The following ZFHX3 variants were observed in gnomAD, a reference collection of about 807,000 sequenced individuals.
The protein encoded by ZFHX3 is zinc finger homeobox 3.
Under a neutral mutation model 279.1 loss-of-function variants are expected in ZFHX3, and 42 were observed. The observed-to-expected ratio is 0.15, with a 90% CI of 0.12 to 0.19. The LOEUF is 0.19. ZFHX3 is among the 10% of genes least tolerant of loss of function. ZFHX3 has a pLI of 1.00. For synonymous variants in ZFHX3, 2,293 were observed against 1,957.8 expected (o/e 1.17, Z -4.52); for missense variants, 4,981 against 4,754.0 (o/e 1.05, Z -1.40).
At chr16:73,478,396 C>G (rs556101793) in intron 2 of ZFHX3, among the ~76,000 whole-genome samples, 4 of 152,076 alleles carry the variant, frequency 2.6e-5, no homozygotes, top group South Asian at 2.1e-4. Context: ...AGGCTTCTTC[C>G]CTGCTAGTTT....
intron 3 of ZFHX3, among the ~76,000 whole-genome samples, chr16:72,891,497 T>C (rs1020878054): frequency 6.6e-6 from 1 of 152,156 alleles, no homozygotes; most frequent in Non-Finnish European, 1.5e-5. Flanking sequence ...AGAGAATGAA[T>C]GTGCACCTGG....
intron 7 of ZFHX3, among the ~76,000 whole-genome samples, chr16:73,096,198 G>A (rs1027694705): frequency 4.6e-5 from 7 of 151,936 alleles, no homozygotes; most frequent in Non-Finnish European, 7.4e-5. Flanking sequence ...TGCCTGCCCC[G>A]AATTGGGCTC....
chr16:73,032,414 A>G (rs1006487771), intron 1 of ZFHX3, among the ~76,000 whole-genome samples: 9 of 152,220 alleles, frequency 5.9e-5, no homozygotes, highest in Non-Finnish European at 1.2e-4. Context: ...CCTTTTAAAA[A>G]GAAGATTCAG....
chr16:73,028,859 AC>A (rs1338977276), intron 1 of ZFHX3, among the ~76,000 whole-genome samples: 2 of 152,212 alleles, frequency 1.3e-5, no homozygotes, highest in East Asian at 3.8e-4. Flanking sequence ...GAGCAGGGAA[AC>A]CTTTTCGGCA....
intron 7 of ZFHX3, among the ~76,000 whole-genome samples, chr16:73,110,591 C>G (rs1966361044): frequency 6.6e-6 from 1 of 152,160 alleles, no homozygotes; most frequent in Non-Finnish European, 1.5e-5. Context: ...TTTTTGGAGA[C>G]AGGGTCTTGC....
At chr16:73,643,755 G>A (rs1290197430) in intron 2 of ZFHX3, among the ~76,000 whole-genome samples, 2 of 152,062 alleles carry the variant, frequency 1.3e-5, no homozygotes, top group South Asian at 2.1e-4. Flanking sequence ...TCTCCCCACC[G>A]TATCTCTTCA....
intron 4 of ZFHX3, among the ~76,000 whole-genome samples, chr16:73,295,274 C>G (rs1381390045): frequency 1.3e-5 from 2 of 152,342 alleles, no homozygotes; most frequent in South Asian, 2.1e-4. Context: ...CAACTCTTGA[C>G]TTTTCAAGCA....
At chr16:73,093,601 G>A (rs1351734671) in intron 7 of ZFHX3, 4 of 510,400 alleles carry the variant, frequency 7.8e-6, no homozygotes, top group Admixed American at 2.0e-5. Flanking sequence ...GTCGTCTCCT[G>A]CAAACAGACA....
intron 2 of ZFHX3, chr16:73,554,190 C>T (rs1442546208): frequency 6.6e-6 from 1 of 152,148 alleles, no homozygotes; most frequent in African/African-American, 2.4e-5. Flanking sequence ...CATGTCCCAG[C>T]CTGTTGAGAC....
At chr16:73,097,652 C>T (rs952498639) in intron 7 of ZFHX3, among the ~76,000 whole-genome samples, 3 of 152,140 alleles carry the variant, frequency 2.0e-5, no homozygotes, top group Admixed American at 1.3e-4. Context: ...ACTATGGCCA[C>T]GATCTCTTTC....
In ZFHX3 at chr16:72,787,446, G is replaced by A. The variant is rs560840757; in HGVS notation, c.10830C>T (p.Pro3610=). The A allele has an allele frequency of 1.9e-6, 3 of 1,605,264 alleles. No individual in the cohort carries two copies. Among genetic ancestry groups the A allele is most frequent in the Admixed American group, 3.4e-5 (2 of 59,504 alleles). Residue 3610 remains proline, a synonymous_variant, in exon 10 of 10, where the codon CCC becomes CCT. Transcript: ENST00000268489. ...PSAAAPSSAS[P]HASRKSWPQV... ...GCGGCCAAGACTTCCTGGAGGCGTGGGGGGAAGCGGAGGAGGGGGCGGCGG... is the reference window on the plus strand; with the variant it reads ...GCGGCCAAGACTTCCTGGAGGCGTGAGGGGAAGCGGAGGAGGGGGCGGCGG...
rs770212285 is a variant in ZFHX3 at position 72,800,032 on chromosome 16, T to A, written c.3962A>T (p.Gln1321Leu). The A allele has an allele frequency of 6.2e-7, 1 of 1,614,100 alleles. No individual in the cohort carries two copies. The highest frequency in any genetic ancestry group is 1.7e-5 in the Admixed American group (1 of 60,032). The change falls in exon 8 of 10, where the codon CAG becomes CTG. Residue 1321 changes from glutamine to leucine, a missense_variant. Gln to Leu is a moderately radical substitution (Grantham distance 113). Coordinates refer to ENST00000268489, the MANE Select transcript of ZFHX3 (RefSeq NM_006885.4). ...GNSNLEEAGK[Q>L]PETSEDLGKN... ...TCAAGAATAATGATACTGACCAGGC[T>A]GCTTTCCTGCCTCTTCCAAATTGGA...
intron 3 of ZFHX3, among the ~76,000 whole-genome samples, chr16:72,904,791 G>A (rs1176037559): frequency 6.6e-6 from 1 of 152,012 alleles, no homozygotes; most frequent in African/African-American, 2.4e-5. Flanking sequence ...GGGTCCCACA[G>A]CACCAGGTGG....
At chr16:73,182,986 C>A (rs536729752) in intron 5 of ZFHX3, among the ~76,000 whole-genome samples, 5 of 152,282 alleles carry the variant, frequency 3.3e-5, no homozygotes, top group Non-Finnish European at 2.9e-5. Context: ...GGGTGGATCA[C>A]CTCAGGTCAG....
At chr16:73,035,377 C>T (rs748927578) in intron 1 of ZFHX3, among the ~76,000 whole-genome samples, 121 of 152,288 alleles carry the variant, frequency 7.9e-4, no homozygotes, top group Middle Eastern at 3.4e-3. Context: ...TGTCTTTCAA[C>T]TTCAGATTCA....
intron 3 of ZFHX3, among the ~76,000 whole-genome samples, chr16:73,373,613 T>A (rs2016671249): frequency 6.6e-6 from 1 of 152,142 alleles, no homozygotes; most frequent in South Asian, 2.1e-4. Flanking sequence ...AAGCAGAAAG[T>A]ATAGGTTCTG....
intron 4 of ZFHX3, among the ~76,000 whole-genome samples, chr16:72,838,412 G>T (rs577331026): frequency 6.6e-6 from 1 of 152,162 alleles, no homozygotes; most frequent in Non-Finnish European, 1.5e-5. Context: ...ATGCAAGCCT[G>T]GGGGAGCCTC....
At chr16:72,979,967 T>TA (rs1962515444) in intron 1 of ZFHX3, among the ~76,000 whole-genome samples, 1 of 152,236 alleles carries the variant, frequency 6.6e-6, no homozygotes, top group Non-Finnish European at 1.5e-5. Flanking sequence ...TTAGCTCCAG[T>TA]AATTTCTCAA....
intron 2 of ZFHX3, among the ~76,000 whole-genome samples, chr16:73,488,975 T>G (rs570083670): frequency 6.6e-6 from 1 of 152,322 alleles, no homozygotes; most frequent in South Asian, 2.1e-4. Context: ...GAAGATTAAA[T>G]GAAATTATAC....
Sources: allele counts gnomAD v4.1 joint callset (sites outside exome capture counted in the v4.1 genomes callset), GRCh38; gene constraint gnomAD v4.1.1; transcripts MANE v1.5; gene names NCBI Gene and HGNC (gene_info 2026-07-23, HGNC 2026-07-21).